DCDC1: variants seen among roughly 807,000 people sequenced by gnomAD.
DCDC1 encodes the protein doublecortin domain-containing protein 1.
DCDC1 carries 200 observed loss-of-function variants against 178.3 expected under a neutral mutation model. The ratio of observed to expected loss-of-function variants is 1.12; its 90% confidence interval spans 1.00 to 1.26. The LOEUF (loss-of-function observed/expected upper bound fraction) is 1.26, where lower values mean the gene tolerates loss of function less well. Among genes scored for constraint, DCDC1 ranks in the 50% most tolerant of loss-of-function variants. The pLI, the probability that DCDC1 is intolerant of heterozygous loss-of-function variation, is 0.00. For synonymous variants in DCDC1, 690 were observed against 604.8 expected, an observed-to-expected ratio of 1.14 and a Z score of -2.07; for missense variants, 1,983 against 1,749.2, an observed-to-expected ratio of 1.13 and a Z score of -2.38.
intron 9 of DCDC1, among the ~76,000 whole-genome samples, chr11:31,174,248 C>T (rs1264752901): frequency 6.6e-6 from 1 of 152,234 alleles, no homozygotes; most frequent in Non-Finnish European, 1.5e-5. Flanking sequence ...CTTGGAGTTG[C>T]CTACTCCCAC....
chr11:31,308,229 C>T (rs1308222324), intron 3 of DCDC1, among the ~76,000 whole-genome samples: 3 of 152,196 alleles, frequency 2.0e-5, no homozygotes, highest in Non-Finnish European at 2.9e-5. Context: ...CATTGCTTTA[C>T]TTAATTCAAC....
chr11:31,121,720 C>T (rs1960835504), intron 11 of DCDC1, among the ~76,000 whole-genome samples: 1 of 151,678 alleles, frequency 6.6e-6, no homozygotes, highest in Non-Finnish European at 1.5e-5. Context: ...ATGTTGGCTA[C>T]AATACATTAT....
intron 7 of DCDC1, among the ~76,000 whole-genome samples, chr11:31,272,233 GC>G (rs1265327353): frequency 6.6e-6 from 1 of 150,838 alleles, no homozygotes; most frequent in Non-Finnish European, 1.5e-5. Context: ...GGAAAGACCT[GC>G]CACCATGACT....
intron 9 of DCDC1, among the ~76,000 whole-genome samples, chr11:31,153,950 C>T (rs953248081): frequency 6.6e-6 from 1 of 152,150 alleles, no homozygotes; most frequent in Admixed American, 6.5e-5. Flanking sequence ...TCTGTGTCCA[C>T]ACCCAAATCC....
intron 1 of DCDC1, among the ~76,000 whole-genome samples, chr11:31,361,134 A>C (rs1951689008): frequency 6.6e-6 from 1 of 151,864 alleles, no homozygotes; most frequent in Non-Finnish European, 1.5e-5. Flanking sequence ...CCTAACTTTT[A>C]CTTTAAGTAT....
At chr11:31,015,090 G>C (rs1952408278) in intron 20 of DCDC1, among the ~76,000 whole-genome samples, 1 of 151,976 alleles carries the variant, frequency 6.6e-6, no homozygotes, top group Non-Finnish European at 1.5e-5. Context: ...GGGACTACAG[G>C]CGCCTGCCAC....
chr11:31,041,862 G>T (rs2135352963), intron 20 of DCDC1, among the ~76,000 whole-genome samples: 1 of 152,152 alleles, frequency 6.6e-6, no homozygotes, highest in East Asian at 1.9e-4. Context: ...GATAAAAGAA[G>T]TAAAAACACT....
chr11:30,888,152 A>AAGAAAG (rs1167202609), intron 36 of DCDC1, among the ~76,000 whole-genome samples: 1 of 139,998 alleles, frequency 7.1e-6, no homozygotes, highest in African/African-American at 3.0e-5. Context: ...GAAAGAAAGA[A>AAGAAAG]AGAAAGAAAG....
At chr11:31,217,537 C>A (rs1973740666) in intron 9 of DCDC1, among the ~76,000 whole-genome samples, 1 of 152,020 alleles carries the variant, frequency 6.6e-6, no homozygotes. Context: ...ACTAGAAGCA[C>A]CTCTGTAAGA....
chr11:30,976,687 T>C (rs1423783561), intron 20 of DCDC1, among the ~76,000 whole-genome samples: 1 of 152,116 alleles, frequency 6.6e-6, no homozygotes, highest in Middle Eastern at 3.2e-3. Context: ...AAATAACAGA[T>C]GCTGGCAAGG....
Position 31,109,957 on chromosome 11 carries a change from T to C in DCDC1, c.1587+303A>G, listed in dbSNP as rs114596398. 4.4e-3 allele frequency among the ~76,000 whole-genome samples: 671 copies of C among 152,192 alleles called. 4 individuals carry two copies. Among genetic ancestry groups the C allele is most frequent in the African/African-American group, 0.015 (635 of 41,554 alleles). On this transcript the variant is annotated intron_variant, in intron 12 of 38. Transcript: ENST00000684477. ...CAGGGCATACCCTCCACTGAATATA[T>C]CACTTTTTTTTACTGTAAACAAGAG...
In DCDC1 at chr11:31,065,082, A is replaced by C; in HGVS notation, c.2370T>G (p.Tyr790Ter). The change falls in exon 19 of 39, where the codon TAT (tyrosine) becomes TAG (stop). Residue 790 changes from tyrosine (Y) to a stop codon, truncating the protein, a stop_gained. Transcript: ENST00000684477. LOFTEE classifies it high-confidence loss of function. The part of the protein sequence containing the change: ...NAQVDVTQTE[Y>*]HIHHGAWTTA... The stretch of plus-strand genomic sequence containing the variant: ...TGGTCCAGGCACCATGGTGAATGTG[A>C]TACTCTGTCTGGGTCACATCTACTT... 3 of 765,530 alleles carry C rather than the reference A, an allele frequency of 3.9e-6. No individual in the cohort carries two copies. Among genetic ancestry groups the C allele is most frequent in the Non-Finnish European group, 7.2e-6 (3 of 417,488 alleles). 47.4% of individuals were successfully genotyped at this position (765,530 alleles called of 1,614,324 possible).
At chr11:31,169,744 T>C (rs991453439) in intron 9 of DCDC1, among the ~76,000 whole-genome samples, 3 of 152,184 alleles carry the variant, frequency 2.0e-5, no homozygotes, top group Non-Finnish European at 4.4e-5. Flanking sequence ...AAAGCATGCA[T>C]ATAAACACAA....
At chr11:31,337,109 A>G (rs185223381) in intron 1 of DCDC1, among the ~76,000 whole-genome samples, 9 of 152,378 alleles carry the variant, frequency 5.9e-5, no homozygotes, top group Admixed American at 1.3e-4. Flanking sequence ...ATCCTGAAAT[A>G]CCTGACATTC....
chr11:31,038,543 T>C (rs1954230086), intron 20 of DCDC1, among the ~76,000 whole-genome samples: 1 of 152,210 alleles, frequency 6.6e-6, no homozygotes, highest in African/African-American at 2.4e-5. Context: ...GATGAAGTCC[T>C]GATTTTCTGG....
At chr11:30,958,798 G>A (rs1474992336) in intron 20 of DCDC1, among the ~76,000 whole-genome samples, 1 of 152,074 alleles carries the variant, frequency 6.6e-6, no homozygotes, top group Admixed American at 6.6e-5. Context: ...TCTGCCAGTG[G>A]ATGCAATAAG....
In DCDC1 at chr11:30,929,885, G is replaced by A. The variant is rs146026034; in HGVS notation, c.2897+1886C>T. On this transcript the variant is annotated intron_variant, in intron 22 of 38. Coordinates refer to ENST00000684477, the MANE Select transcript of DCDC1 (RefSeq NM_001387274.1). The stretch of plus-strand genomic sequence containing the variant: ...CTTGTCACTCACTAGAGTAATAACC[G>A]ACTAAGTAATGAACAAATACTATTT... Among the ~76,000 whole-genome samples the A allele has an allele frequency of 2.0e-4, 30 of 151,928 alleles. No individual in the cohort carries two copies. In the East Asian group the frequency reaches 2.7e-3, roughly 14 times the overall value.
intron 10 of DCDC1, among the ~76,000 whole-genome samples, chr11:31,135,645 T>C (rs765318379): frequency 2.0e-5 from 3 of 152,164 alleles, no homozygotes; most frequent in African/African-American, 4.8e-5. Context: ...CATATGAACA[T>C]ACACATACAT....
chr11:31,004,968 G>T (rs931752770), intron 20 of DCDC1, among the ~76,000 whole-genome samples: 1 of 152,212 alleles, frequency 6.6e-6, no homozygotes, highest in Middle Eastern at 3.4e-3. Flanking sequence ...TTGGATGAAT[G>T]TTCAGTTCTT....
Sources: gnomAD v4.1 joint callset for allele counts (sites outside exome capture counted in the v4.1 genomes callset) on GRCh38, gnomAD v4.1.1 for gene constraint, MANE v1.5 for transcripts, NCBI Gene and HGNC (gene_info 2026-07-23, HGNC 2026-07-21) for gene names.